The following DLG2 variants were observed in gnomAD, a reference collection of about 807,000 sequenced individuals.
The protein encoded by DLG2 is discs large MAGUK scaffold protein 2.
A neutral mutation model predicts 132.5 loss-of-function variants in DLG2; 45 were observed. That is an observed-to-expected ratio of 0.34 (90% CI 0.27 to 0.44). The LOEUF is 0.44. DLG2 is among the 20% of genes least tolerant of loss of function. The pLI, the probability that DLG2 is intolerant of heterozygous loss-of-function variation, is 1.00. For synonymous variants in DLG2, 424 were observed against 419.6 expected, an observed-to-expected ratio of 1.01 and a Z score of -0.13; for missense variants, 1,045 against 1,196.9, an observed-to-expected ratio of 0.87 and a Z score of 1.87.
chr11:83,862,199 C>A (rs2061562345), intron 16 of DLG2, among the ~76,000 whole-genome samples: 1 of 152,004 alleles, frequency 6.6e-6, no homozygotes, highest in South Asian at 2.1e-4. Flanking sequence ...AAGTGTCTAC[C>A]AACAAACGAG....
chr11:84,537,019 G>A (rs2099357095), intron 6 of DLG2, among the ~76,000 whole-genome samples: 1 of 151,992 alleles, frequency 6.6e-6, no homozygotes, highest in African/African-American at 2.4e-5. Flanking sequence ...ACTTCCAATG[G>A]CTCACACTGC....
At chr11:84,274,003 T>G (rs2097761725) in intron 7 of DLG2, among the ~76,000 whole-genome samples, 1 of 152,114 alleles carries the variant, frequency 6.6e-6, no homozygotes, top group Non-Finnish European at 1.5e-5. Context: ...TAGATAAAAT[T>G]TACATAGATA....
chr11:84,665,720 C>T (rs1013449864), intron 6 of DLG2, among the ~76,000 whole-genome samples: 12 of 152,082 alleles, frequency 7.9e-5, no homozygotes, highest in Non-Finnish European at 1.8e-4. Context: ...TGCTTGTCTT[C>T]CTTTCTAGAT....
intron 7 of DLG2, among the ~76,000 whole-genome samples, chr11:84,287,741 GACACACACACACACACAC>G (rs373708341): frequency 1.1e-4 from 15 of 139,190 alleles, no homozygotes; most frequent in Non-Finnish European, 2.0e-4. Flanking sequence ...CTCTCTCTTA[GACACACACACACACACAC>G]ACACACACAC....
At chr11:83,692,259 T>C (rs1352210542) in intron 18 of DLG2, among the ~76,000 whole-genome samples, 2 of 152,226 alleles carry the variant, frequency 1.3e-5, no homozygotes, top group Non-Finnish European at 2.9e-5. Flanking sequence ...CAGTACAGCA[T>C]AATGGAGTTC....
chr11:84,899,635 AT>A (rs1467795843), intron 6 of DLG2, among the ~76,000 whole-genome samples: 6 of 152,178 alleles, frequency 3.9e-5, no homozygotes, highest in Non-Finnish European at 5.9e-5. Flanking sequence ...ATAAATGTCA[AT>A]TTTAAATAAA....
At chr11:83,532,572 C>T in intron 21 of DLG2, 136 bp downstream of exon 21, 2 of 682,052 alleles carry the variant, frequency 2.9e-6, no homozygotes, top group East Asian at 2.8e-5. Flanking sequence ...TTATTAACTT[C>T]AGCAATATAT....
rs1332115610 is a variant in DLG2 at position 83,668,800 on chromosome 11, CAT to C, written c.1826-35477_1826-35476del. Among the ~76,000 whole-genome samples the C allele has an allele frequency of 2.5e-3, 168 of 66,208 alleles. 10 individuals are homozygous for C. The highest frequency in any genetic ancestry group is 9.8e-3 in the African/African-American group (106 of 10,848). The allele number at this position is 66,208 out of a possible 152,430, so 43.4% of individuals were successfully genotyped here. A position where few individuals can be genotyped will look rare whatever the true frequency, so the allele number is the denominator to read the frequency against. ...ACATATATATGTGTATATAAACACACATATATATGTGTATATAAACATATATA... is the reference window on the plus strand; with the variant it reads ...ACATATATATGTGTATATAAACACACATATATGTGTATATAAACATATATA... On this transcript the variant is annotated intron_variant, in intron 18 of 27. Transcript: ENST00000376104.
chr11:84,092,147 C>T (rs1428592866), intron 10 of DLG2, among the ~76,000 whole-genome samples: 2 of 152,190 alleles, frequency 1.3e-5, no homozygotes, highest in Admixed American at 1.3e-4. Flanking sequence ...GTAGCATAAT[C>T]ATGGAATTGA....
chr11:85,607,961 G>T (rs968034522), intron 2 of DLG2, among the ~76,000 whole-genome samples: 1 of 152,138 alleles, frequency 6.6e-6, no homozygotes, highest in Admixed American at 6.5e-5. Context: ...CTTCAGTAAA[G>T]GTGACTACAT....
At chr11:84,904,861 C>T (rs1017073677) in intron 6 of DLG2, among the ~76,000 whole-genome samples, 25 of 152,138 alleles carry the variant, frequency 1.6e-4, no homozygotes, top group Non-Finnish European at 4.4e-5. Flanking sequence ...TTAATGAGCA[C>T]CCTGATGTTT....
intron 15 of DLG2, among the ~76,000 whole-genome samples, chr11:83,916,879 C>G (rs1243530277): frequency 6.6e-6 from 1 of 152,148 alleles, no homozygotes; most frequent in Non-Finnish European, 1.5e-5. Flanking sequence ...CCTGAAGTCT[C>G]TGACCCAACT....
At chr11:84,163,440 T>C (rs757678418) in intron 9 of DLG2, 21 bp downstream of exon 9, 3 of 1,594,112 alleles carry the variant, frequency 1.9e-6, no homozygotes, top group East Asian at 4.5e-5. Flanking sequence ...GGGCTTTGGA[T>C]TTTTCAAAAT....
intron 6 of DLG2, among the ~76,000 whole-genome samples, chr11:85,110,685 T>C (rs1035918860): frequency 3.3e-5 from 5 of 151,956 alleles, no homozygotes; most frequent in Non-Finnish European, 5.9e-5. Flanking sequence ...TCTTACACAA[T>C]CTGAGTGAAA....
chr11:83,670,480 A>G (rs1254390642), intron 18 of DLG2, among the ~76,000 whole-genome samples: 4 of 152,106 alleles, frequency 2.6e-5, no homozygotes, highest in Non-Finnish European at 4.4e-5. Context: ...TTTGCAATTT[A>G]ATATCAGGAA....
At chr11:84,492,674 G>C (rs1472192731) in intron 7 of DLG2, among the ~76,000 whole-genome samples, 1 of 152,120 alleles carries the variant, frequency 6.6e-6, no homozygotes, top group Non-Finnish European at 1.5e-5. Flanking sequence ...TATTTAGTAA[G>C]TGTTAGTTGC....
intron 6 of DLG2, among the ~76,000 whole-genome samples, chr11:84,656,691 T>A (rs2099688716): frequency 6.6e-6 from 1 of 152,112 alleles, no homozygotes. Flanking sequence ...CAAATCTCCA[T>A]CCTAGCACTC....
At chr11:83,590,622 G>A (rs1175727803) in intron 19 of DLG2, among the ~76,000 whole-genome samples, 6 of 151,752 alleles carry the variant, frequency 4.0e-5, no homozygotes, top group African/African-American at 1.5e-4. Flanking sequence ...CTAGCAGAAG[G>A]CAAGAAATAA....
intron 6 of DLG2, among the ~76,000 whole-genome samples, chr11:84,616,789 A>T (rs2099605159): frequency 6.6e-6 from 1 of 152,148 alleles, no homozygotes; most frequent in African/African-American, 2.4e-5. Context: ...AACAAATCTT[A>T]AAATGTAATA....
Sources: gnomAD v4.1 joint callset for allele counts (sites outside exome capture counted in the v4.1 genomes callset) on GRCh38, gnomAD v4.1.1 for gene constraint, MANE v1.5 for transcripts, NCBI Gene and HGNC (gene_info 2026-07-23, HGNC 2026-07-21) for gene names.